The following CDKL4 variants were observed in gnomAD, a reference collection of about 807,000 sequenced individuals.
CDKL4 encodes the protein cyclin-dependent kinase-like 4.
In CDKL4, 44 loss-of-function variants were observed where a neutral mutation model predicts 42.0. That is an observed-to-expected ratio of 1.05 (90% CI 0.82 to 1.35). CDKL4 has a LOEUF of 1.35. CDKL4 is among the 40% of genes most tolerant of loss of function. CDKL4 has a pLI of 0.00. For synonymous variants in CDKL4, 120 were observed against 121.6 expected, an observed-to-expected ratio of 0.99 and a Z score of 0.09; for missense variants, 393 against 369.9, an observed-to-expected ratio of 1.06 and a Z score of -0.51.
chr2:39,174,279 G>A (rs575083340), downstream of CDKL4, among the ~76,000 whole-genome samples: 12 of 151,890 alleles, frequency 7.9e-5, no homozygotes, highest in South Asian at 6.2e-4. Flanking sequence ...GGTGGCACCC[G>A]CTGTAGTCCC....
At chr2:39,235,557 C>T (rs112012289) in intron 1 of CDKL4, among the ~76,000 whole-genome samples, 5,216 of 152,158 alleles carry the variant, frequency 0.034, 133 homozygotes, top group South Asian at 0.057. Context: ...CCAGCCTGGG[C>T]AATACAGTGA....
At chr2:39,175,796 A>C (rs1675139389) in exon 10 of CDKL4, 1 of 300,710 alleles carries the variant, frequency 3.3e-6, no homozygotes, top group African/African-American at 2.2e-5. Flanking sequence ...GCTTTATAAC[A>C]TTTAAAGAAA....
intron 5 of CDKL4, among the ~76,000 whole-genome samples, chr2:39,202,345 C>A (rs561401923): frequency 6.6e-6 from 1 of 152,232 alleles, no homozygotes; most frequent in Non-Finnish European, 1.5e-5. Context: ...AATAAAACAA[C>A]AAAAAAGAAA....
rs147441205 is a variant in CDKL4 at position 39,208,308 on chromosome 2, T to C, written c.364-3691A>G. Among the ~76,000 whole-genome samples, 24 of 151,992 alleles carry C rather than the reference T, an allele frequency of 1.6e-4. No individual in the cohort carries two copies. In the East Asian group the frequency reaches 4.6e-3, roughly 29 times the overall value. On this transcript the variant is annotated intron_variant, in intron 4 of 9. Transcript: ENST00000451199. ...GAACAAGAAACATGCAAGTCTCTCTTAATAAAATAATTTTAATAAGTTGAG... is the reference window on the plus strand; with the variant it reads ...GAACAAGAAACATGCAAGTCTCTCTCAATAAAATAATTTTAATAAGTTGAG...
intron 8 of CDKL4, among the ~76,000 whole-genome samples, chr2:39,183,920 T>G (rs1424544148): frequency 2.0e-5 from 3 of 152,156 alleles, no homozygotes; most frequent in Non-Finnish European, 2.9e-5. Flanking sequence ...AAAAGTTGAC[T>G]CTAGGTCATC....
chr2:39,207,396 T>A (rs75490326), intron 4 of CDKL4, among the ~76,000 whole-genome samples: 6,285 of 151,308 alleles, frequency 0.042, 211 homozygotes, highest in African/African-American at 0.086. Flanking sequence ...AAAAAAAAAA[T>A]TTTTTTTTGG....
chr2:39,231,610 A>G (rs1306939709), intron 1 of CDKL4, among the ~76,000 whole-genome samples: 1 of 152,252 alleles, frequency 6.6e-6, no homozygotes, highest in African/African-American at 2.4e-5. Context: ...TCCATCACAG[A>G]TTATGTTCTG....
chr2:39,202,965 G>A (rs1302110018), intron 5 of CDKL4, among the ~76,000 whole-genome samples: 1 of 152,150 alleles, frequency 6.6e-6, no homozygotes, highest in African/African-American at 2.4e-5. Context: ...GCAGTGTCTT[G>A]TAGTACCACT....
intron 3 of CDKL4, among the ~76,000 whole-genome samples, chr2:39,223,086 C>T (rs1002450926): frequency 4.0e-5 from 6 of 151,850 alleles, no homozygotes; most frequent in Non-Finnish European, 7.4e-5. Context: ...ATATATCATC[C>T]CAGGAACATT....
intron 8 of CDKL4, among the ~76,000 whole-genome samples, chr2:39,181,991 A>AT (rs1206834296): frequency 2.0e-5 from 3 of 150,874 alleles, no homozygotes; most frequent in Non-Finnish European, 4.4e-5. Context: ...ATTTTATTTT[A>AT]TTTTTTTTTA....
chr2:39,229,212 G>C lies in CDKL4; in HGVS notation c.168+153C>G, dbSNP rs183499483. Among the ~76,000 whole-genome samples, 270 of 152,312 alleles carry C rather than the reference G, an allele frequency of 1.8e-3. 1 individual carries two copies. The highest frequency in any genetic ancestry group is 6.2e-3 in the African/African-American group (258 of 41,568). ...CACAGACAAAATCAGAGTGGCCGAAGTCCAAAGTGATAATCAACTTATTAC... is the reference window on the plus strand; with the variant it reads ...CACAGACAAAATCAGAGTGGCCGAACTCCAAAGTGATAATCAACTTATTAC... On this transcript the variant is annotated intron_variant, in intron 2 of 9. Transcript: ENST00000451199.
chr2:39,229,008 ACT>A lies in CDKL4; in HGVS notation c.168+355_168+356del, dbSNP rs549206430. 2.5e-3 allele frequency among the ~76,000 whole-genome samples: 383 copies of A among 151,700 alleles called. 1 individual carries two copies. The highest frequency in any genetic ancestry group is 8.7e-3 in the African/African-American group (358 of 41,322). On this transcript the variant is annotated intron_variant, in intron 2 of 9. Coordinates refer to ENST00000451199, the Ensembl canonical transcript of CDKL4. ...GCATTGGTGCGGTCCTGTGGGACTG[ACT>A]CTCTGTGCCAGGAGGTGCTCTTTTA...
intron 5 of CDKL4, among the ~76,000 whole-genome samples, chr2:39,190,997 C>T (rs1269868747): frequency 6.6e-6 from 1 of 152,140 alleles, no homozygotes; most frequent in Admixed American, 6.6e-5. Flanking sequence ...TGACTTGAAT[C>T]CTTACAGGGA....
intron 2 of CDKL4, among the ~76,000 whole-genome samples, chr2:39,226,434 A>AATTATATATATTATATATAT (rs57048348): frequency 0.47 from 47,316 of 101,062 alleles, 11,045 homozygotes; most frequent in East Asian, 0.62. Flanking sequence ...TATTTATATA[A>AATTATATATATTATATATAT]ATTATATATA....
intron 8 of CDKL4, among the ~76,000 whole-genome samples, chr2:39,180,954 T>C (rs1675408961): frequency 6.6e-6 from 1 of 152,236 alleles, no homozygotes. Context: ...CTCCCAGTGC[T>C]GGGACTACAG....
rs1474328058 is a variant in CDKL4 at position 39,221,017 on chromosome 2, TG to T, written c.290+4821del. On this transcript the variant is annotated intron_variant, in intron 3 of 9. Transcript: ENST00000451199. ...TTTTTTTTTGTTTTTTTTTTTGTTT[TG>T]TTTTTGTTTTTTGAGACAGAGTCTC... is the stretch of plus-strand genomic sequence containing the variant. 7.7e-3 allele frequency among the ~76,000 whole-genome samples: 1,005 copies of T among 131,368 alleles called. 28 individuals carry two copies. Among genetic ancestry groups the T allele is most frequent in the African/African-American group, 0.028 (905 of 32,776 alleles). The allele number at this position is 131,368 out of a possible 152,430, so 86.2% of individuals were successfully genotyped here.
intron 9 of CDKL4, among the ~76,000 whole-genome samples, chr2:39,177,970 T>C (rs1299097459): frequency 3.3e-5 from 5 of 152,260 alleles, no homozygotes; most frequent in African/African-American, 1.2e-4. Flanking sequence ...ATTACAGGTG[T>C]GAGCCACCGC....
chr2:39,232,328 C>G (rs1262370467), intron 1 of CDKL4, among the ~76,000 whole-genome samples: 2 of 152,100 alleles, frequency 1.3e-5, no homozygotes, highest in Non-Finnish European at 2.9e-5. Context: ...CTGTAAATTC[C>G]TTTGTGGAAT....
At chr2:39,194,968 C>T (rs1049949877) in intron 5 of CDKL4, among the ~76,000 whole-genome samples, 3 of 152,160 alleles carry the variant, frequency 2.0e-5, no homozygotes, top group Admixed American at 6.5e-5. Context: ...CAACAACTCC[C>T]CATTCTCCCT....
Sources: allele counts gnomAD v4.1 joint callset (sites outside exome capture counted in the v4.1 genomes callset), GRCh38; gene constraint gnomAD v4.1.1; transcripts MANE v1.5; gene names NCBI Gene and HGNC (gene_info 2026-07-23, HGNC 2026-07-21).